Variants in DCAF8L2 observed in about 807,000 individuals in gnomAD.
DCAF8L2 encodes the protein DDB1 and CUL4 associated factor 8 like 2, also known as DDB1- and CUL4-associated factor 8-like protein 2.
For synonymous variants in DCAF8L2, 200 were observed against 190.9 expected (o/e 1.05, Z -0.39); for missense variants, 430 against 490.7 (o/e 0.88, Z 1.17).
At chrX:27,642,055 AT>A (rs1170106167) in intron 2 of DCAF8L2, among the ~76,000 whole-genome samples, 4 of 106,473 alleles carry the variant, frequency 3.8e-5, no homozygotes, top group African/African-American at 1.4e-4. Flanking sequence ...TGCCGGGATA[AT>A]TTTTTGTATT....
chrX:27,722,416 T>C (rs1203728692), intron 4 of DCAF8L2, among the ~76,000 whole-genome samples: 1 of 111,601 alleles, frequency 9.0e-6, no homozygotes, highest in Non-Finnish European at 1.9e-5. Flanking sequence ...TTAAATGTGC[T>C]CGAAGCTCTT....
At chrX:27,523,692 T>C in the DCAF8L2 span, among the ~76,000 whole-genome samples, 447 of 109,163 alleles carry the variant, frequency 4.1e-3, 5 homozygotes, top group African/African-American at 0.015. Context: ...TATGTATACA[T>C]ATGCTGTGTT....
chrX:27,742,236 T>C (rs767222212), intron 4 of DCAF8L2, among the ~76,000 whole-genome samples: 2 of 111,179 alleles, frequency 1.8e-5, no homozygotes, highest in Non-Finnish European at 3.8e-5. Context: ...GCATATGCCA[T>C]AGTAGTTGGC....
At chrX:27,628,583 G>A (rs1448532656) in intron 1 of DCAF8L2, among the ~76,000 whole-genome samples, 1 of 105,549 alleles carries the variant, frequency 9.5e-6, no homozygotes, top group East Asian at 3.0e-4. Context: ...CCTCACCCTT[G>A]CCAACACTTG....
chrX:27,651,237 G>A (rs1402005496), intron 2 of DCAF8L2, among the ~76,000 whole-genome samples: 1 of 111,134 alleles, frequency 9.0e-6, no homozygotes, highest in African/African-American at 3.3e-5. Context: ...GTTCATCAGG[G>A]CTATTGGCCT....
chrX:27,620,807 C>A (rs7053964), intron 1 of DCAF8L2, among the ~76,000 whole-genome samples: 9,017 of 111,365 alleles, frequency 0.081, 700 homozygotes, highest in African/African-American at 0.24. Flanking sequence ...TCCAGCAATT[C>A]CATTTCTAGA....
chrX:27,498,393 T>C, the DCAF8L2 span, among the ~76,000 whole-genome samples: 1 of 112,537 alleles, frequency 8.9e-6, no homozygotes. Flanking sequence ...TATGAGGTGA[T>C]ATCTCATTGT....
the DCAF8L2 span, chrX:27,519,517 T>C: frequency 8.2e-6 from 7 of 853,672 alleles, no homozygotes; most frequent in Admixed American, 6.7e-5. Flanking sequence ...CCAGGAAGAC[T>C]TGGAAAAGAC....
chrX:27,509,151 T>C, the DCAF8L2 span, among the ~76,000 whole-genome samples: 85 of 111,538 alleles, frequency 7.6e-4, 1 homozygote, highest in African/African-American at 2.5e-3. Flanking sequence ...GTAACAGTGG[T>C]GGCTTTTCAC....
intron 2 of DCAF8L2, among the ~76,000 whole-genome samples, chrX:27,674,356 A>G (rs1056466702): frequency 2.8e-4 from 31 of 111,491 alleles, no homozygotes; most frequent in African/African-American, 1.0e-3. Context: ...AATAAAATTC[A>G]TATTAGTCAA....
At chrX:27,542,594 G>A in the DCAF8L2 span, among the ~76,000 whole-genome samples, 3 of 83,561 alleles carry the variant, frequency 3.6e-5, no homozygotes, top group Non-Finnish European at 4.4e-5. Flanking sequence ...CCAGGCTGGA[G>A]TGCAGTGGCG....
the DCAF8L2 span, among the ~76,000 whole-genome samples, chrX:27,539,173 A>G: frequency 8.9e-6 from 1 of 111,853 alleles, no homozygotes; most frequent in East Asian, 2.8e-4. Flanking sequence ...TACTACCCAT[A>G]CCTGTTATTT....
At chrX:27,476,585 A>G in the DCAF8L2 span, among the ~76,000 whole-genome samples, 2 of 111,296 alleles carry the variant, frequency 1.8e-5, no homozygotes, top group South Asian at 3.8e-4. Context: ...GTAGAGTACA[A>G]TGATTATTTA....
chrX:27,590,150 T>C (rs1926003722), upstream of DCAF8L2, among the ~76,000 whole-genome samples: 1 of 111,271 alleles, frequency 9.0e-6, no homozygotes, highest in Admixed American at 9.6e-5. Context: ...TACTAGAAAC[T>C]GTAAGGTCCT....
chrX:27,746,099 A>G (rs1448657695), intron 4 of DCAF8L2, among the ~76,000 whole-genome samples: 2 of 111,933 alleles, frequency 1.8e-5, no homozygotes, highest in Admixed American at 1.9e-4. Context: ...CCTTCATTAC[A>G]CTGAGGGTCT....
At chrX:27,722,482 G>T (rs1269991787) in intron 4 of DCAF8L2, among the ~76,000 whole-genome samples, 1 of 111,508 alleles carries the variant, frequency 9.0e-6, no homozygotes, top group African/African-American at 3.2e-5. Flanking sequence ...CTATAATTAA[G>T]AATGTATAAT....
chrX:27,711,092 C>A (rs62590473), intron 3 of DCAF8L2, among the ~76,000 whole-genome samples: 11,248 of 110,893 alleles, frequency 0.1, 655 homozygotes, highest in East Asian at 0.4. Flanking sequence ...CTTTTGTTCT[C>A]TTAATATGGT....
intron 2 of DCAF8L2, among the ~76,000 whole-genome samples, chrX:27,676,385 T>G (rs1486183887): frequency 8.9e-6 from 1 of 111,831 alleles, no homozygotes; most frequent in Non-Finnish European, 1.9e-5. Context: ...CATGGTCTGA[T>G]ATGCAAGTAT....
At chrX:27,615,545 A>G (rs1927429268) in intron 1 of DCAF8L2, among the ~76,000 whole-genome samples, 1 of 107,268 alleles carries the variant, frequency 9.3e-6, no homozygotes, top group South Asian at 3.8e-4. Flanking sequence ...CTATCTATCT[A>G]TCTATCTAAT....
Sources: gnomAD v4.1 joint callset for allele counts (sites outside exome capture counted in the v4.1 genomes callset) on GRCh38, gnomAD v4.1.1 for gene constraint, MANE v1.5 for transcripts, NCBI Gene and HGNC (gene_info 2026-07-23, HGNC 2026-07-21) for gene names.